Variants in ARHGEF10 observed in about 807,000 individuals in gnomAD.
ARHGEF10 encodes Rho guanine nucleotide exchange factor (GEF) 10.
In ARHGEF10, 140 loss-of-function variants were observed where a neutral mutation model predicts 147.4. That is an observed-to-expected ratio of 0.95 (90% CI 0.83 to 1.09). ARHGEF10 has a LOEUF of 1.09. Among genes scored for constraint, ARHGEF10 ranks in the 50% least tolerant of loss-of-function variants. The pLI is 0.00. For synonymous variants in ARHGEF10, 902 were observed against 695.8 expected (o/e 1.30, Z -4.67); for missense variants, 2,222 against 1,752.7 (o/e 1.27, Z -4.78).
At chr8:1,846,144 C>T (rs550384934) in intron 2 of ARHGEF10, among the ~76,000 whole-genome samples, 13 of 152,322 alleles carry the variant, frequency 8.5e-5, no homozygotes, top group Middle Eastern at 3.4e-3. Flanking sequence ...GAGACCCTGG[C>T]GGGAGCCCGG....
At position 1,937,137 on chromosome 8, in the gene ARHGEF10, G is replaced by A. The variant is rs1392710780; in HGVS notation, c.3222+3195G>A. Among the ~76,000 whole-genome samples, 1 of 152,140 alleles carries A rather than the reference G, an allele frequency of 6.6e-6. No homozygotes were observed. Among genetic ancestry groups the A allele is most frequent in the Non-Finnish European group, 1.5e-5 (1 of 68,022 alleles). On this transcript the variant is annotated intron_variant, in intron 26 of 28. Transcript: ENST00000349830. The surrounding 1 kb of genome is among the most constrained non-coding windows in gnomAD (Gnocchi z 4.9). ...GAAAATAGCTGGACAGGGAGGTTGG[G>A]GTACATGTTAGATGATTTTTGGCAG...
In ARHGEF10 at chr8:1,937,603, G is replaced by A. The variant is rs1218853653; in HGVS notation, c.3222+3661G>A. On this transcript the variant is annotated intron_variant, in intron 26 of 28. Transcript: ENST00000349830. This position sits in a 1 kb window ranked among gnomAD's most constrained non-coding sequence, Gnocchi z 4.9. ...CATTTTTAGAAAGAAGCAAAAATCT[G>A]CTCTCTGAAAACATGATATTCATCC... Among the ~76,000 whole-genome samples the A allele has an allele frequency of 6.6e-6, 1 of 152,198 alleles. No homozygotes were observed. Among genetic ancestry groups the A allele is most frequent in the Non-Finnish European group, 1.5e-5 (1 of 68,042 alleles).
chr8:1,857,645 T>C (rs1291952613), intron 2 of ARHGEF10, among the ~76,000 whole-genome samples: 3 of 151,984 alleles, frequency 2.0e-5, no homozygotes, highest in African/African-American at 7.3e-5. Context: ...GTCTCAAGCT[T>C]CTTACCTTGT....
At chr8:1,840,942 A>T (rs1803983668) in intron 1 of ARHGEF10, among the ~76,000 whole-genome samples, 1 of 152,158 alleles carries the variant, frequency 6.6e-6, no homozygotes, top group Non-Finnish European at 1.5e-5. Context: ...GCTGCACAGA[A>T]AGCTCACCTG....
chr8:1,836,613 G>A (rs566150991), intron 1 of ARHGEF10, among the ~76,000 whole-genome samples: 1 of 152,288 alleles, frequency 6.6e-6, no homozygotes, highest in South Asian at 2.1e-4. Flanking sequence ...AGTTGGGGGA[G>A]CAGGCTGTGG....
intron 13 of ARHGEF10, among the ~76,000 whole-genome samples, chr8:1,894,785 A>C (rs983442989): frequency 1.3e-5 from 2 of 152,250 alleles, no homozygotes; most frequent in African/African-American, 4.8e-5. Flanking sequence ...AGGCGTTAGA[A>C]AGGCAGACAC....
chr8:1,851,936 CAAATGG>C (rs1175451785), intron 2 of ARHGEF10, among the ~76,000 whole-genome samples: 2 of 151,242 alleles, frequency 1.3e-5, no homozygotes, highest in Non-Finnish European at 2.9e-5. Flanking sequence ...AATTAATAAC[CAAATGG>C]AAATGAATCT....
Position 1,925,275 on chromosome 8 carries a change from A to G in ARHGEF10, c.2489-8A>G. 1 of 1,614,172 alleles carries G rather than the reference A, an allele frequency of 6.2e-7. No individual in the cohort carries two copies. The highest frequency in any genetic ancestry group is 8.5e-7 in the Non-Finnish European group (1 of 1,180,024). On this transcript the variant is annotated splice_polypyrimidine_tract_variant and splice_region_variant and intron_variant, in intron 21 of 28. Coordinates refer to ENST00000349830, the MANE Select transcript of ARHGEF10 (RefSeq NM_014629.4). ...TTCTTGCTCATTTCTCTCTGAATAT[A>G]ATTGCAGAAGAGGAGAACCACATGG...
In ARHGEF10 at chr8:1,894,514, C is replaced by T. The variant is rs1809813087; in HGVS notation, c.1382C>T (p.Ala461Val). 4 of 1,614,190 alleles carry T rather than the reference C, an allele frequency of 2.5e-6. No homozygotes were observed. The East Asian group carries it at 8.9e-5, about 36-fold the overall frequency. ...QCHSLFQIALASRVSEWDSVE... is the reference protein window; with the variant it reads ...QCHSLFQIALVSRVSEWDSVE... Reference sequence around the variant, plus strand: ...CACTCGCTATTTCAGATCGCGCTGGCCAGCCGCGTTTCCGAGTGGGACTCC... The same window carrying T: ...CACTCGCTATTTCAGATCGCGCTGGTCAGCCGCGTTTCCGAGTGGGACTCC... Residue 461 changes from alanine (A) to valine (V), a missense_variant, in exon 13 of 29, where the codon GCC becomes GTC. Coordinates refer to ENST00000349830, the MANE Select transcript of ARHGEF10 (RefSeq NM_014629.4).
intron 19 of ARHGEF10, 104 bp downstream of exon 19, chr8:1,923,183 G>C: frequency 1.0e-6 from 1 of 989,646 alleles, no homozygotes; most frequent in African/African-American, 1.6e-5. Flanking sequence ...AATTCATTTT[G>C]ACTTTAAAAA....
At chr8:1,876,285 T>C (rs1462657396) in intron 7 of ARHGEF10, 2 of 494,820 alleles carry the variant, frequency 4.0e-6, no homozygotes, top group African/African-American at 3.9e-5. Context: ...GGCATGACTG[T>C]GGCGGATGCC....
intron 26 of ARHGEF10, 83 bp from the exon 27 acceptor site, chr8:1,945,398 C>G (rs1385888191): frequency 1.3e-6 from 2 of 1,516,098 alleles, no homozygotes; most frequent in African/African-American, 1.4e-5. Context: ...GAATGGCGCT[C>G]CAGCTGGACG....
At chr8:1,826,245 G>C in intron 1 of ARHGEF10, 2 of 1,017,382 alleles carry the variant, frequency 2.0e-6, no homozygotes, top group Non-Finnish European at 2.9e-6. Context: ...GTTTTTAAAA[G>C]TTGATGCTTG....
rs535452864 is a variant in ARHGEF10 at position 1,913,484 on chromosome 8, C to T, written c.2143+4014C>T. On this transcript the variant is annotated intron_variant, in intron 18 of 28. Coordinates refer to ENST00000349830, the MANE Select transcript of ARHGEF10 (RefSeq NM_014629.4). ...TCACATTACTTTGTAGTTATTTAAT[C>T]CTTAAAAATGAATGAAGGTAAAAAG... Among the ~76,000 whole-genome samples the T allele has an allele frequency of 3.9e-5, 6 of 152,348 alleles. No homozygotes were observed. The East Asian group carries it at 5.8e-4, about 15-fold the overall frequency.
chr8:1,875,345 A>C (rs1481896183), intron 7 of ARHGEF10, among the ~76,000 whole-genome samples: 2 of 152,104 alleles, frequency 1.3e-5, no homozygotes, highest in East Asian at 3.8e-4. Flanking sequence ...GTCCCCTAGT[A>C]CATGGTAGAG....
chr8:1,882,011 C>G (rs1254596169), intron 9 of ARHGEF10, among the ~76,000 whole-genome samples: 1 of 152,194 alleles, frequency 6.6e-6, no homozygotes, highest in African/African-American at 2.4e-5. Flanking sequence ...CAGCACAGCT[C>G]TGGCCGAGGA....
At chr8:1,896,845 G>C (rs543629071) in intron 14 of ARHGEF10, among the ~76,000 whole-genome samples, 50 of 152,308 alleles carry the variant, frequency 3.3e-4, no homozygotes, top group African/African-American at 1.2e-3. Flanking sequence ...AGCCTGGAGC[G>C]GGCCCTACCC....
chr8:1,865,051 A>G (rs1019474874), intron 5 of ARHGEF10, among the ~76,000 whole-genome samples: 3 of 152,274 alleles, frequency 2.0e-5, no homozygotes, highest in Admixed American at 6.5e-5. Context: ...CTTCAAAAGG[A>G]TGAAATTTTT....
chr8:1,832,170 C>G (rs1803150461), intron 1 of ARHGEF10, among the ~76,000 whole-genome samples: 1 of 152,196 alleles, frequency 6.6e-6, no homozygotes, highest in South Asian at 2.1e-4. Flanking sequence ...AATCACCACG[C>G]TGCTCCAAGG....
Sources: gnomAD v4.1 joint callset for allele counts (sites outside exome capture counted in the v4.1 genomes callset) on GRCh38, gnomAD v4.1.1 for gene constraint, Gnocchi (gnomAD v3.1) non-coding constraint, MANE v1.5 for transcripts, NCBI Gene and HGNC (gene_info 2026-07-23, HGNC 2026-07-21) for gene names.